DGKD: variants seen among roughly 807,000 people sequenced by gnomAD.
DGKD encodes DAG kinase delta.
Under a neutral mutation model 154.4 loss-of-function variants are expected in DGKD, and 68 were observed. The ratio of observed to expected loss-of-function variants is 0.44; its 90% CI spans 0.36 to 0.54. The LOEUF (loss-of-function observed/expected upper bound fraction) is 0.54, where lower values mean the gene tolerates loss of function less well. Among genes scored for constraint, DGKD ranks in the 20% least tolerant of loss-of-function variants. The probability of loss-of-function intolerance (pLI) is 0.00; values close to 1 mark genes in which losing one functional copy is unlikely to be tolerated. For missense variants in DGKD, 1,343 were observed against 1,593.6 expected (o/e 0.84, Z 2.68); for synonymous variants, 693 against 638.0 (o/e 1.09, Z -1.30).
At chr2:233,392,319 C>CTGG (rs77168858) in intron 3 of DGKD, 10,918 of 152,236 alleles carry the variant, frequency 0.072, 537 homozygotes, top group Non-Finnish European at 0.11. Flanking sequence ...GCCACTGTGC[C>CTGG]TGGCCCTGGG....
intron 3 of DGKD, among the ~76,000 whole-genome samples, chr2:233,412,493 G>A (rs991597165): frequency 4.6e-5 from 7 of 152,196 alleles, no homozygotes; most frequent in African/African-American, 9.7e-5. Flanking sequence ...AGTAGTCATT[G>A]TGTAGATTCC....
At chr2:233,469,207 T>G (rs914461515) in intron 29 of DGKD, among the ~76,000 whole-genome samples, 164 bp from the exon 30 acceptor site, 4 of 152,246 alleles carry the variant, frequency 2.6e-5, no homozygotes, top group Admixed American at 1.3e-4. Context: ...TCTGTATGGT[T>G]GTTACTTTTA....
intron 3 of DGKD, among the ~76,000 whole-genome samples, chr2:233,418,724 C>T (rs2062024705): frequency 6.6e-6 from 1 of 152,204 alleles, no homozygotes; most frequent in Admixed American, 6.5e-5. Flanking sequence ...GGACCCCCTC[C>T]TTCCCCCCAA....
At chr2:233,442,210 A>T in intron 10 of DGKD, 1 of 673,878 alleles carries the variant, frequency 1.5e-6, no homozygotes, top group South Asian at 1.5e-5. Flanking sequence ...TCTGGCCATG[A>T]TGTATGAGGG....
At chr2:233,407,700 T>C (rs1208419852) in intron 3 of DGKD, among the ~76,000 whole-genome samples, 2 of 152,128 alleles carry the variant, frequency 1.3e-5, no homozygotes, top group Admixed American at 1.3e-4. Flanking sequence ...CCAGGAGTTC[T>C]AGGTTGCAGT....
chr2:233,408,558 C>T (rs1189349115), intron 3 of DGKD, among the ~76,000 whole-genome samples: 1 of 152,212 alleles, frequency 6.6e-6, no homozygotes, highest in Non-Finnish European at 1.5e-5. Context: ...TATTTCTGCT[C>T]AAGTGCAGTG....
At position 233,385,614 on chromosome 2, in the gene DGKD, C is replaced by T. The variant is rs142030285; in HGVS notation, c.157-2643C>T. 1.6e-3 allele frequency among the ~76,000 whole-genome samples: 251 copies of T among 152,332 alleles called. 6 individuals carry two copies. The highest frequency in any genetic ancestry group is 7.5e-3 in the East Asian group (39 of 5,186). On this transcript the variant is annotated intron_variant, in intron 1 of 29. Coordinates refer to ENST00000264057, the MANE Select transcript of DGKD (RefSeq NM_152879.3). ...AGGGGCCTGGCCCTTTCACTCCTGA[C>T]TCTGCTCTAGGGGGCAAGGAGAGGC...
At chr2:233,415,782 C>G (rs2061945468) in intron 3 of DGKD, among the ~76,000 whole-genome samples, 1 of 152,098 alleles carries the variant, frequency 6.6e-6, no homozygotes, top group Admixed American at 6.5e-5. Flanking sequence ...CACCACCATT[C>G]CCAGCTAATT....
In DGKD at chr2:233,437,360, G is replaced by A. The variant is rs777007059; in HGVS notation, c.820-17G>A. ...GGATGCCAGTGACCCTTGGTGACGCGGGGACTCTTGTTTCAGGTTCACACA... is the reference window on the plus strand; with the variant it reads ...GGATGCCAGTGACCCTTGGTGACGCAGGGACTCTTGTTTCAGGTTCACACA... On this transcript the variant is annotated splice_polypyrimidine_tract_variant and intron_variant, in intron 7 of 29. Coordinates refer to ENST00000264057, the MANE Select transcript of DGKD (RefSeq NM_152879.3). 2.5e-6 allele frequency: 4 copies of A among 1,611,416 alleles called. No homozygotes were observed. In the African/African-American group the frequency reaches 4.0e-5, roughly 16 times the overall value.
intron 1 of DGKD, among the ~76,000 whole-genome samples, chr2:233,385,665 T>C (rs1703132876): frequency 6.6e-6 from 1 of 152,200 alleles, no homozygotes; most frequent in African/African-American, 2.4e-5. Context: ...GCATTTCCTG[T>C]GGGTGCCTTT....
At chr2:233,436,241 C>T (rs2062690179) in intron 6 of DGKD, 75 bp from the exon 7 acceptor site, 2 of 1,597,386 alleles carry the variant, frequency 1.3e-6, no homozygotes, top group Middle Eastern at 1.7e-4. Flanking sequence ...GCTGAGTTCA[C>T]AACGAGCATT....
chr2:233,390,136 CT>C (rs1703495340), intron 2 of DGKD, among the ~76,000 whole-genome samples: 1 of 151,890 alleles, frequency 6.6e-6, no homozygotes, highest in African/African-American at 2.4e-5. Flanking sequence ...GGTTCTCTCT[CT>C]TTCTTCCTTC....
chr2:233,367,094 C>A (rs777479770), intron 1 of DGKD, among the ~76,000 whole-genome samples: 2 of 152,162 alleles, frequency 1.3e-5, no homozygotes, highest in Non-Finnish European at 2.9e-5. Flanking sequence ...TCAAGTTTTA[C>A]GCATCATCTT....
chr2:233,461,479 TC>T (rs1005896577), intron 24 of DGKD, among the ~76,000 whole-genome samples: 1 of 152,258 alleles, frequency 6.6e-6, no homozygotes, highest in African/African-American at 2.4e-5. Flanking sequence ...CCGGCTGCAG[TC>T]CTTCCTGGCG....
At position 233,406,879 on chromosome 2, in the gene DGKD, C is replaced by T. The variant is rs529999400; in HGVS notation, c.348+16396C>T. On this transcript the variant is annotated intron_variant, in intron 3 of 29. Transcript: ENST00000264057. ...GATGCTTGCCCTGAAATAATCATAT[C>T]AGAATAACCATGTTATGCAGAGAGA... Among the ~76,000 whole-genome samples, 50 of 152,252 alleles carry T rather than the reference C, an allele frequency of 3.3e-4. No homozygotes were observed. In the South Asian group the frequency reaches 1.0e-2, roughly 30 times the overall value.
intron 16 of DGKD, 88 bp from the exon 17 acceptor site, chr2:233,450,834 T>G: frequency 6.6e-7 from 1 of 1,520,108 alleles, no homozygotes; most frequent in East Asian, 2.3e-5. Flanking sequence ...TCCTCAGCCC[T>G]CCCACCTGCT....
At chr2:233,381,635 C>G (rs1702910473) in intron 1 of DGKD, among the ~76,000 whole-genome samples, 1 of 152,174 alleles carries the variant, frequency 6.6e-6, no homozygotes. Flanking sequence ...ACCTGGAGGT[C>G]TTTGAATATG....
rs577458128 is a variant in DGKD, at chr2:233,420,192, C to G, written c.349-14188C>G. On this transcript the variant is annotated intron_variant, in intron 3 of 29. Coordinates refer to ENST00000264057, the MANE Select transcript of DGKD (RefSeq NM_152879.3). ...CCAGGCTCAGGCGCTCAGGAGATTC[C>G]CCTCCCCCAGTTCCCTCAGCAGAGT... 3.3e-5 allele frequency among the ~76,000 whole-genome samples: 5 copies of G among 152,224 alleles called. No homozygotes were observed. In the East Asian group the frequency reaches 9.7e-4, roughly 29 times the overall value.
chr2:233,429,285 C>G (rs763196118), intron 3 of DGKD: 30 of 985,164 alleles, frequency 3.0e-5, no homozygotes, highest in Admixed American at 6.1e-5. Context: ...ATATAATCCC[C>G]GAGTTATGCA....
Sources: allele counts gnomAD v4.1 joint callset (sites outside exome capture counted in the v4.1 genomes callset), GRCh38; gene constraint gnomAD v4.1.1; transcripts MANE v1.5; gene names NCBI Gene and HGNC (gene_info 2026-07-23, HGNC 2026-07-21).